The following FBLN2 variants were observed in gnomAD, a reference collection of about 807,000 sequenced individuals.
FBLN2 encodes fibulin-2.
A neutral mutation model predicts 123.7 loss-of-function variants in FBLN2; 81 were observed. That is an observed-to-expected ratio of 0.65 (90% CI 0.55 to 0.79). The LOEUF (loss-of-function observed/expected upper bound fraction) is 0.79. Ranked by LOEUF, FBLN2 falls within the 30% of genes least tolerant of loss-of-function variation. The pLI is 0.00. For synonymous variants in FBLN2, 699 were observed against 701.4 expected, an observed-to-expected ratio of 1.00 and a Z score of 0.05; for missense variants, 1,603 against 1,681.3, an observed-to-expected ratio of 0.95 and a Z score of 0.81.
In FBLN2 at chr3:13,629,012, G is replaced by A. The variant is rs1434436621; in HGVS notation, c.2677G>A (p.Gly893Ser). 6.2e-6 allele frequency: 10 copies of A among 1,613,386 alleles called. No homozygotes were observed. The highest frequency in any genetic ancestry group is 1.3e-5 in the African/African-American group (1 of 75,010). ...CQRNPLICAR[G>S]YHASDDGTKC... ...GAGGAACCCGCTGATCTGCGCGCGC[G>A]GCTACCACGCCAGCGATGATGGGAC... Residue 893 changes from glycine (G) to serine (S), a missense_variant, in exon 12 of 18, where the codon GGC (glycine) becomes AGC (serine). Transcript: ENST00000404922.
rs913199974 is a variant in FBLN2 at position 13,564,131 on chromosome 3, C to G, written c.-41-6184C>G. Reference sequence around the variant, plus strand: ...ATATTGGCAGCTAATTTATAAAGCACCATGTGGGCCCCACAAACACATCTG... The same window carrying G: ...ATATTGGCAGCTAATTTATAAAGCAGCATGTGGGCCCCACAAACACATCTG... On this transcript the variant is annotated intron_variant, in intron 1 of 17. Transcript: ENST00000404922. Among the ~76,000 whole-genome samples, 3 of 152,170 alleles carry G rather than the reference C, an allele frequency of 2.0e-5. No individual in the cohort carries two copies. The South Asian group carries it at 6.2e-4, about 32-fold the overall frequency.
rs987735609 is a variant in FBLN2, at chr3:13,626,429, C to T, written c.2297-16C>T. Reference sequence around the variant, plus strand: ...TGGGGACTCTGCAGCCTCTGATGGCCTCGCTCTCCCTGCAGACATCAACGA... The same window carrying T: ...TGGGGACTCTGCAGCCTCTGATGGCTTCGCTCTCCCTGCAGACATCAACGA... On this transcript the variant is annotated splice_polypyrimidine_tract_variant and intron_variant, in intron 9 of 17. Coordinates refer to ENST00000404922, the MANE Select transcript of FBLN2 (RefSeq NM_001004019.2). 1.3e-6 allele frequency: 2 copies of T among 1,559,632 alleles called. No individual in the cohort carries two copies. Among genetic ancestry groups the T allele is most frequent in the Non-Finnish European group, 1.7e-6 (2 of 1,147,230 alleles).
rs201140245 is a variant in FBLN2 at position 13,570,526 on chromosome 3, G to C, written c.171G>C (p.Thr57=). 6.3e-7 allele frequency: 1 copy of C among 1,592,434 alleles called. No homozygotes were observed. The highest frequency in any genetic ancestry group is 8.5e-7 in the Non-Finnish European group (1 of 1,171,160). The stretch of plus-strand genomic sequence containing the variant: ...TGGAGCCGGGTGCCTGCTGTGCCAC[G>C]TGTGTGCAGCAGGGCTGCGCCTGCG... The part of the protein sequence containing the change: ...EALEPGACCA[T]CVQQGCACEG... The change falls in exon 2 of 18, where the codon ACG becomes ACC. Residue 57 remains threonine, a synonymous_variant. Transcript: ENST00000404922.
chr3:13,618,511 C>A (rs1298775614), intron 6 of FBLN2, among the ~76,000 whole-genome samples: 1 of 152,238 alleles, frequency 6.6e-6, no homozygotes. Flanking sequence ...AGCACCTTGT[C>A]CCATATTCGA....
intron 5 of FBLN2, among the ~76,000 whole-genome samples, chr3:13,615,619 TG>T (rs2124889108): frequency 6.6e-6 from 1 of 152,378 alleles, no homozygotes; most frequent in South Asian, 2.1e-4. Context: ...AGTGCAAGGA[TG>T]AATGATAGGA....
chr3:13,569,002 G>C (rs1208291493), intron 1 of FBLN2: 3 of 985,746 alleles, frequency 3.0e-6, no homozygotes, highest in Non-Finnish European at 3.6e-6. Context: ...ACTGCCCTAT[G>C]GGGCTGCGCT....
rs1255187608 is a variant in FBLN2, at chr3:13,571,192, GGAA to G, written c.843_845del (p.Glu286del). The stretch of plus-strand genomic sequence containing the variant: ...GGAGAGTGACCGAGGACAGTGAGGA[GGAA>G]GAAGAGGAGGAGGAGGAGAGAGAGG... On this transcript the variant is annotated inframe_deletion, in exon 2 of 18. Coordinates refer to ENST00000404922, the MANE Select transcript of FBLN2 (RefSeq NM_001004019.2). 7 of 1,569,260 alleles carry G rather than the reference GGAA, an allele frequency of 4.5e-6. No homozygotes were observed. The East Asian group carries it at 1.2e-4, about 26-fold the overall frequency.
intron 1 of FBLN2, among the ~76,000 whole-genome samples, chr3:13,565,358 A>G (rs1029203140): frequency 2.0e-5 from 3 of 152,074 alleles, no homozygotes; most frequent in East Asian, 1.9e-4. Flanking sequence ...TGCTGGATGC[A>G]CTCCCAGATG....
intron 2 of FBLN2, among the ~76,000 whole-genome samples, chr3:13,590,022 CT>C (rs2124853891): frequency 6.6e-6 from 1 of 152,270 alleles, no homozygotes; most frequent in African/African-American, 2.4e-5. Flanking sequence ...CAGCAAGTTT[CT>C]TCTTATGTGT....
At chr3:13,601,195 A>G in intron 2 of FBLN2, among the ~76,000 whole-genome samples, 1 of 152,216 alleles carries the variant, frequency 6.6e-6, no homozygotes, top group Non-Finnish European at 1.5e-5. Context: ...CTCATTGGGC[A>G]TCCCACTGAT....
intron 2 of FBLN2, among the ~76,000 whole-genome samples, chr3:13,595,352 C>A (rs1704806876): frequency 6.6e-6 from 1 of 152,140 alleles, no homozygotes; most frequent in Admixed American, 6.5e-5. Context: ...TGAGCTCAGG[C>A]AGAGCCCGCT....
chr3:13,638,155 C>A lies in FBLN2; in HGVS notation c.*236C>A, dbSNP rs989989401. 2 of 640,388 alleles carry A rather than the reference C, an allele frequency of 3.1e-6. No individual in the cohort carries two copies. Among genetic ancestry groups the A allele is most frequent in the Non-Finnish European group, 5.6e-6 (2 of 359,358 alleles). 39.7% of individuals were successfully genotyped at this position (640,388 alleles called of 1,614,324 possible). A position where few individuals can be genotyped will look rare whatever the true frequency, so the allele number is the denominator to read the frequency against. On this transcript the variant is annotated 3_prime_UTR_variant, in exon 18 of 18. Transcript: ENST00000404922. ...CTTGCACGGTGGGCCACGGCCGTGG[C>A]GGGTGCCCTGTGGGTGAGGCTGGGT...
intron 2 of FBLN2, among the ~76,000 whole-genome samples, chr3:13,577,910 C>T (rs1312681536): frequency 6.6e-6 from 1 of 152,240 alleles, no homozygotes; most frequent in Non-Finnish European, 1.5e-5. Context: ...GCATGGACAT[C>T]CCATTTCATG....
chr3:13,576,315 A>G (rs1704144319), intron 2 of FBLN2, among the ~76,000 whole-genome samples: 2 of 152,184 alleles, frequency 1.3e-5, no homozygotes, highest in South Asian at 4.1e-4. Context: ...GCCTTCCCAG[A>G]TATCACACAG....
chr3:13,571,146 C>G lies in FBLN2; in HGVS notation c.791C>G (p.Ala264Gly). 6.4e-7 allele frequency: 1 copy of G among 1,555,652 alleles called. No homozygotes were observed. The highest frequency in any genetic ancestry group is 8.7e-7 in the Non-Finnish European group (1 of 1,150,396). Residue 264 changes from alanine to glycine, a missense_variant, in exon 2 of 18, where the codon GCC (alanine) becomes GGC (glycine). Physicochemically the swap from Ala to Gly is moderately conservative, Grantham distance 60. Transcript: ENST00000404922. ...GCGGCTGCTGCCCTGGGTCCCCCAGCCCCAGTGCAGGCCAAAGCTAGGAGA... is the reference window on the plus strand; with the variant it reads ...GCGGCTGCTGCCCTGGGTCCCCCAGGCCCAGTGCAGGCCAAAGCTAGGAGA... Reference protein sequence around the residue: ...PTAAAALGPPAPVQAKARRVT... With the variant: ...PTAAAALGPPGPVQAKARRVT...
chr3:13,618,475 G>A, intron 6 of FBLN2, among the ~76,000 whole-genome samples, 190 bp downstream of exon 6: 1 of 152,188 alleles, frequency 6.6e-6, no homozygotes, highest in Admixed American at 6.5e-5. Context: ...TTCTTCCTGG[G>A]GCTCCATCTG....
chr3:13,570,821 C>A lies in FBLN2; in HGVS notation c.466C>A (p.Pro156Thr). ...YAAGHTVHLP[P>T]CRACHCPDAG... Reference sequence around the variant, plus strand: ...CGCTGGCCACACTGTTCACCTGCCGCCCTGCCGGGCCTGCCACTGCCCTGA... The same window carrying A: ...CGCTGGCCACACTGTTCACCTGCCGACCTGCCGGGCCTGCCACTGCCCTGA... Residue 156 changes from proline (P) to threonine (T), a missense_variant, in exon 2 of 18, where the codon CCC becomes ACC. Physicochemically the swap from Pro to Thr is conservative, Grantham distance 38. Coordinates refer to ENST00000404922, the MANE Select transcript of FBLN2 (RefSeq NM_001004019.2). 1 of 1,600,470 alleles carries A rather than the reference C, an allele frequency of 6.2e-7. No individual in the cohort carries two copies. The highest frequency in any genetic ancestry group is 1.1e-5 in the South Asian group (1 of 89,114).
chr3:13,602,157 G>C (rs1406570073), intron 2 of FBLN2, among the ~76,000 whole-genome samples: 2 of 152,202 alleles, frequency 1.3e-5, no homozygotes, highest in South Asian at 2.1e-4. Context: ...TTATAGATTT[G>C]GAAGTTACTT....
At chr3:13,607,901 A>T (rs1489459102) in intron 2 of FBLN2, among the ~76,000 whole-genome samples, 161 bp from the exon 3 acceptor site, 1 of 152,168 alleles carries the variant, frequency 6.6e-6, no homozygotes, top group East Asian at 1.9e-4. Flanking sequence ...CAGACAGTTC[A>T]CCAAAGACAG....
Sources: allele counts gnomAD v4.1 joint callset (sites outside exome capture counted in the v4.1 genomes callset), GRCh38; gene constraint gnomAD v4.1.1; transcripts MANE v1.5; gene names NCBI Gene and HGNC (gene_info 2026-07-23, HGNC 2026-07-21).